Variants in MYO9A observed in about 807,000 individuals in gnomAD.
MYO9A encodes the protein unconventional myosin-IXa.
Under a neutral mutation model 293.3 loss-of-function variants are expected in MYO9A, and 103 were observed. The observed-to-expected ratio is 0.35, with a 90% CI of 0.30 to 0.41. The LOEUF (loss-of-function observed/expected upper bound fraction) is 0.41. Among genes scored for constraint, MYO9A ranks in the 10% least tolerant of loss-of-function variants. The probability of loss-of-function intolerance (pLI) is 1.00; values close to 1 mark genes in which losing one functional copy is unlikely to be tolerated. For missense variants in MYO9A, 2,685 were observed against 3,033.0 expected, an observed-to-expected ratio of 0.89 and a Z score of 2.69; for synonymous variants, 1,001 against 1,035.7, an observed-to-expected ratio of 0.97 and a Z score of 0.64.
chr15:71,981,186 TTAA>T (rs1567343586), intron 11 of MYO9A, among the ~76,000 whole-genome samples: 1 of 152,254 alleles, frequency 6.6e-6, no homozygotes, highest in African/African-American at 2.4e-5. Context: ...ATGGATTTTA[TTAA>T]TGTTTGTTTA....
intron 4 of MYO9A, among the ~76,000 whole-genome samples, chr15:72,021,264 C>T (rs566197315): frequency 6.6e-6 from 1 of 152,252 alleles, no homozygotes; most frequent in African/African-American, 2.4e-5. Flanking sequence ...ATTCTCTTCT[C>T]CATAAAACCA....
chr15:72,039,313 G>T (rs185923671), intron 2 of MYO9A, among the ~76,000 whole-genome samples: 6 of 152,208 alleles, frequency 3.9e-5, no homozygotes, highest in African/African-American at 1.4e-4. Context: ...TCACTGATTT[G>T]AAGTTCCGTT....
At chr15:71,960,269 C>A (rs2059295787) in intron 13 of MYO9A, 173 bp from the exon 14 acceptor site, 1 of 603,708 alleles carries the variant, frequency 1.7e-6, no homozygotes. Context: ...GAGGCAGATC[C>A]CTCATGAATG....
chr15:71,893,344 A>G, intron 26 of MYO9A: 1 of 450,220 alleles, frequency 2.2e-6, no homozygotes, highest in East Asian at 6.4e-5. Flanking sequence ...GACCAAAAGG[A>G]ATCTGTATAC....
chr15:72,034,202 T>C (rs74025211), intron 2 of MYO9A, among the ~76,000 whole-genome samples: 285 of 152,296 alleles, frequency 1.9e-3, no homozygotes, highest in African/African-American at 6.4e-3. Flanking sequence ...GAAAATTTGT[T>C]AGAAATTCAA....
At chr15:72,034,680 A>T (rs1169338436) in intron 2 of MYO9A, among the ~76,000 whole-genome samples, 1 of 152,254 alleles carries the variant, frequency 6.6e-6, no homozygotes, top group Admixed American at 6.5e-5. Flanking sequence ...ATGTAGAAAC[A>T]AACAGAAACA....
chr15:71,837,209 C>G (rs2054979504), intron 39 of MYO9A, among the ~76,000 whole-genome samples: 1 of 151,910 alleles, frequency 6.6e-6, no homozygotes, highest in Admixed American at 6.6e-5. Context: ...AGGGTAAAGG[C>G]TGGAGGGTAG....
intron 15 of MYO9A, chr15:71,950,502 A>G (rs143842781): frequency 1.3e-3 from 192 of 152,368 alleles, no homozygotes; most frequent in African/African-American, 4.4e-3. Context: ...ATAATGTCCC[A>G]TGGATTAAAA....
chr15:72,112,086 A>G (rs1032523248), intron 1 of MYO9A, among the ~76,000 whole-genome samples: 1 of 152,218 alleles, frequency 6.6e-6, no homozygotes, highest in African/African-American at 2.4e-5. Context: ...ACAGATATAA[A>G]AGCCTATCTA....
At chr15:71,981,641 G>GTCTCTCTC (rs142432028) in intron 11 of MYO9A, among the ~76,000 whole-genome samples, 60 of 144,498 alleles carry the variant, frequency 4.2e-4, no homozygotes, top group African/African-American at 9.9e-4. Context: ...TCTCTGTCTT[G>GTCTCTCTC]TCTCTCTCTC....
intron 39 of MYO9A, among the ~76,000 whole-genome samples, chr15:71,844,060 A>G (rs2055282862): frequency 6.6e-6 from 1 of 152,226 alleles, no homozygotes; most frequent in Non-Finnish European, 1.5e-5. Context: ...TATGTAAGCT[A>G]TATAGCTTTT....
intron 1 of MYO9A, among the ~76,000 whole-genome samples, chr15:72,062,675 C>T (rs192769597): frequency 6.8e-4 from 104 of 152,174 alleles, no homozygotes; most frequent in Middle Eastern, 3.4e-3. Flanking sequence ...AAAAGAATAA[C>T]ATAAGAATAA....
chr15:71,897,389 G>A (rs2057359931), intron 25 of MYO9A, 72 bp downstream of exon 25: 2 of 1,438,740 alleles, frequency 1.4e-6, no homozygotes, highest in African/African-American at 1.4e-5. Context: ...AATAGTTGGA[G>A]CAGAACAAGG....
chr15:71,868,607 T>C (rs1253090828), intron 32 of MYO9A, among the ~76,000 whole-genome samples: 1 of 152,182 alleles, frequency 6.6e-6, no homozygotes, highest in Non-Finnish European at 1.5e-5. Flanking sequence ...ATCTTTAGAA[T>C]TCTGCCTACC....
chr15:71,993,052 C>A (rs573732086), intron 10 of MYO9A, among the ~76,000 whole-genome samples: 34 of 151,902 alleles, frequency 2.2e-4, no homozygotes, highest in Non-Finnish European at 3.1e-4. Flanking sequence ...ACAATAAATG[C>A]CTTCTAAAAA....
Position 71,898,202 on chromosome 15 carries a change from T to C in MYO9A, c.4301A>G (p.Gln1434Arg), listed in dbSNP as rs1596137806. 2.5e-6 allele frequency: 4 copies of C among 1,614,160 alleles called. No homozygotes were observed. The highest frequency in any genetic ancestry group is 3.4e-6 in the Non-Finnish European group (4 of 1,180,020). ...GTTTCTTTGGATACTTGTGTCTAGT[T>C]GGGAATTTGTTTTCAGTGGGTCTTG... is the stretch of plus-strand genomic sequence containing the variant. Reference protein sequence around the residue: ...PQQDPLKTNSQLDTSIQRNKL... With the variant: ...PQQDPLKTNSRLDTSIQRNKL... Residue 1434 changes from glutamine to arginine, a missense_variant, in exon 25 of 42, where the codon CAA becomes CGA. Around this residue, in one of 10 missense-constraint regions of MYO9A, gnomAD observed 1,434 missense variants for 1,497.7 expected, o/e 0.96. Coordinates refer to ENST00000356056, the MANE Select transcript of MYO9A (RefSeq NM_006901.4).
At chr15:72,010,210 A>T (rs928134844) in intron 7 of MYO9A, 140 bp downstream of exon 7, 1 of 577,944 alleles carries the variant, frequency 1.7e-6, no homozygotes, top group Non-Finnish European at 3.0e-6. Context: ...AAGGAATTAG[A>T]AATAATGCTC....
At chr15:71,930,636 T>C (rs2058449683) in intron 18 of MYO9A, among the ~76,000 whole-genome samples, 1 of 152,174 alleles carries the variant, frequency 6.6e-6, no homozygotes, top group South Asian at 2.1e-4. Flanking sequence ...TGAGTCTCTC[T>C]TTTTTTAATG....
At chr15:71,837,552 C>T (rs1044432000) in intron 39 of MYO9A, among the ~76,000 whole-genome samples, 2 of 152,112 alleles carry the variant, frequency 1.3e-5, no homozygotes, top group Admixed American at 6.5e-5. Flanking sequence ...AATAAAAGAG[C>T]TGCCTTTTTT....
Sources: gnomAD v4.1 joint callset for allele counts (sites outside exome capture counted in the v4.1 genomes callset) on GRCh38, gnomAD v4.1.1 for gene constraint, gnomAD v4.1.1 regional missense constraint, MANE v1.5 for transcripts, NCBI Gene and HGNC (gene_info 2026-07-23, HGNC 2026-07-21) for gene names.